SPHKAP: variants seen among roughly 807,000 people sequenced by gnomAD.
SPHKAP encodes A-kinase anchor protein SPHKAP.
In SPHKAP, 67 loss-of-function variants were observed where a neutral mutation model predicts 137.5. The observed-to-expected ratio is 0.49, with a 90% CI of 0.40 to 0.60. SPHKAP has a LOEUF of 0.60. SPHKAP is among the 20% of genes least tolerant of loss of function. The pLI, the probability that SPHKAP is intolerant of heterozygous loss-of-function variation, is 0.00. For synonymous variants in SPHKAP, 813 were observed against 785.3 expected (o/e 1.04, Z -0.59); for missense variants, 2,097 against 2,069.3 (o/e 1.01, Z -0.26).
At chr2:228,156,206 T>C (rs982528169) in intron 1 of SPHKAP, among the ~76,000 whole-genome samples, 1 of 152,242 alleles carries the variant, frequency 6.6e-6, no homozygotes, top group African/African-American at 2.4e-5. Flanking sequence ...ACATTCCAGT[T>C]GTGATAAAAT....
At chr2:228,090,720 A>C (rs1697699630) in intron 3 of SPHKAP, among the ~76,000 whole-genome samples, 2 of 150,016 alleles carry the variant, frequency 1.3e-5, no homozygotes, top group South Asian at 4.2e-4. Context: ...TCAAGTTCTC[A>C]CTCAGTTCAT....
chr2:228,144,550 A>G (rs1268287931), intron 1 of SPHKAP, among the ~76,000 whole-genome samples: 1 of 151,850 alleles, frequency 6.6e-6, no homozygotes, highest in Non-Finnish European at 1.5e-5. Flanking sequence ...GCCCCTTTCT[A>G]TATTTTTTAT....
intron 3 of SPHKAP, among the ~76,000 whole-genome samples, chr2:228,038,123 A>G (rs955304502): frequency 5.9e-5 from 9 of 152,144 alleles, no homozygotes; most frequent in African/African-American, 2.2e-4. Flanking sequence ...TGAGAAGACA[A>G]ACAATACAAG....
At chr2:228,020,868 G>T (rs1694816362) in intron 6 of SPHKAP, among the ~76,000 whole-genome samples, 1 of 152,062 alleles carries the variant, frequency 6.6e-6, no homozygotes, top group African/African-American at 2.4e-5. Flanking sequence ...TTTCCATATG[G>T]GATACAAATG....
Position 228,020,294 on chromosome 2 carries a change from A to G in SPHKAP, c.698-138T>C, listed in dbSNP as rs1694789912. On this transcript the variant is annotated intron_variant, in intron 6 of 11. Transcript: ENST00000392056. ...TATGTTTATTGCAGCACTATTCACA[A>G]TAGCAAAGACTTGGAACCAACCCAA... 6 of 1,295,548 alleles carry G rather than the reference A, an allele frequency of 4.6e-6. 1 individual carries two copies. In the South Asian group the frequency reaches 9.3e-5, roughly 20 times the overall value. 80.3% of individuals were successfully genotyped at this position (1,295,548 alleles called of 1,614,324 possible). A position where few individuals can be genotyped will look rare whatever the true frequency, so the allele number is the denominator to read the frequency against.
intron 1 of SPHKAP, among the ~76,000 whole-genome samples, chr2:228,136,628 G>C (rs996397228): frequency 6.6e-6 from 1 of 152,184 alleles, no homozygotes; most frequent in African/African-American, 2.4e-5. Context: ...CAGCATTGGT[G>C]TCACTTGGGA....
chr2:227,999,337 A>G (rs928432291), intron 7 of SPHKAP, among the ~76,000 whole-genome samples: 1 of 152,174 alleles, frequency 6.6e-6, no homozygotes, highest in Admixed American at 6.5e-5. Flanking sequence ...AGGAAGGAGG[A>G]GAATGGTGCA....
At chr2:228,040,640 T>C (rs532600615) in intron 3 of SPHKAP, among the ~76,000 whole-genome samples, 2 of 152,290 alleles carry the variant, frequency 1.3e-5, no homozygotes, top group South Asian at 4.1e-4. Context: ...TTCAAGCAGT[T>C]TGTGATAAGA....
In SPHKAP at chr2:228,124,966, G is replaced by A. The variant is rs115308931; in HGVS notation, c.138+7014C>T. 8.2e-3 allele frequency among the ~76,000 whole-genome samples: 1,243 copies of A among 152,256 alleles called. 13 individuals are homozygous for A. The highest frequency in any genetic ancestry group is 0.028 in the African/African-American group (1,163 of 41,538). On this transcript the variant is annotated intron_variant, in intron 2 of 11. Transcript: ENST00000392056. Reference sequence around the variant, plus strand: ...TACAGCAAATTTAAGTCTGTTTAAAGGGGGGAATCATGACCAAGAACGCTC... The same window carrying A: ...TACAGCAAATTTAAGTCTGTTTAAAAGGGGGAATCATGACCAAGAACGCTC...
intron 3 of SPHKAP, among the ~76,000 whole-genome samples, chr2:228,061,734 T>TACACACACACACAC (rs1205193778): frequency 6.6e-6 from 1 of 150,658 alleles, no homozygotes; most frequent in African/African-American, 2.5e-5. Flanking sequence ...GAAATATATA[T>TACACACACACACAC]ATACACACAC....
chr2:228,097,515 CTTTTA>C (rs961178627), intron 3 of SPHKAP, among the ~76,000 whole-genome samples: 1 of 151,664 alleles, frequency 6.6e-6, no homozygotes, highest in African/African-American at 2.4e-5. Context: ...TTTTTTTCAA[CTTTTA>C]TTTTAGGCTC....
intron 1 of SPHKAP, among the ~76,000 whole-genome samples, chr2:228,150,463 A>G (rs1699894364): frequency 6.6e-6 from 1 of 152,136 alleles, no homozygotes; most frequent in South Asian, 2.1e-4. Context: ...TCTGTAGACT[A>G]TTCGTGGTTT....
intron 3 of SPHKAP, among the ~76,000 whole-genome samples, chr2:228,057,157 A>G (rs1696477321): frequency 6.6e-6 from 1 of 152,228 alleles, no homozygotes; most frequent in Non-Finnish European, 1.5e-5. Context: ...GAAGTATTCT[A>G]TAATACCTTA....
chr2:228,118,243 T>TG, intron 2 of SPHKAP, among the ~76,000 whole-genome samples: 1 of 65,012 alleles, frequency 1.5e-5, no homozygotes, highest in Non-Finnish European at 3.5e-5. Context: ...ATACACAGTT[T>TG]TTTTTTTTTT....
chr2:228,070,775 T>A (rs1021255119), intron 3 of SPHKAP, among the ~76,000 whole-genome samples: 1 of 152,170 alleles, frequency 6.6e-6, no homozygotes, highest in Non-Finnish European at 1.5e-5. Flanking sequence ...ATGAAGTTCT[T>A]TTTATCAGGA....
chr2:228,036,191 A>T (rs1422032615), intron 3 of SPHKAP, among the ~76,000 whole-genome samples: 8 of 150,942 alleles, frequency 5.3e-5, no homozygotes, highest in East Asian at 1.9e-4. Context: ...TACAAGAAAA[A>T]AACAAACAAC....
chr2:228,009,634 A>C (rs6715372), intron 7 of SPHKAP, among the ~76,000 whole-genome samples: 32,353 of 151,958 alleles, frequency 0.21, 3,767 homozygotes, highest in East Asian at 0.39. Flanking sequence ...TTGCAAGTTT[A>C]TGTTGTTGAG....
At chr2:228,149,148 GA>G (rs1699858113) in intron 1 of SPHKAP, among the ~76,000 whole-genome samples, 1 of 152,060 alleles carries the variant, frequency 6.6e-6, no homozygotes, top group Non-Finnish European at 1.5e-5. Flanking sequence ...TTCTAATAGA[GA>G]GAATTTTAAG....
rs1694717278 is a variant in SPHKAP at position 228,018,837 on chromosome 2, T to C, written c.2017A>G (p.Asn673Asp). 2 of 1,614,130 alleles carry C rather than the reference T, an allele frequency of 1.2e-6. No individual in the cohort carries two copies. Among genetic ancestry groups the C allele is most frequent in the African/African-American group, 2.7e-5 (2 of 74,946 alleles). ...TCAATGGAATGCCTCAGGATAACAT[T>C]GGACAGGGTATGTGCCAGTTCATTC... ...VRNELAHTLSNVILRHSIDEV... is the reference protein window; with the variant it reads ...VRNELAHTLSDVILRHSIDEV... Residue 673 changes from asparagine to aspartate, a missense_variant, in exon 7 of 12, where the codon AAT becomes GAT. By Grantham distance (23) the Asn-to-Asp change is conservative (BLOSUM62 1). Coordinates refer to ENST00000392056, the MANE Select transcript of SPHKAP (RefSeq NM_001142644.2).
Sources: gnomAD v4.1 joint callset for allele counts (sites outside exome capture counted in the v4.1 genomes callset) on GRCh38, gnomAD v4.1.1 for gene constraint, MANE v1.5 for transcripts, NCBI Gene and HGNC (gene_info 2026-07-23, HGNC 2026-07-21) for gene names.